Variants in AKAP19 observed in about 807,000 individuals in gnomAD.
AKAP19 encodes the protein A-kinase anchoring protein 19.
chr2:189,926,808 T>C, the AKAP19 span, among the ~76,000 whole-genome samples: 10 of 150,906 alleles, frequency 6.6e-5, no homozygotes, highest in South Asian at 1.3e-3. Flanking sequence ...TGGTCTCGAT[T>C]TCCTGACCTC....
At chr2:190,015,015 T>G in the AKAP19 span, among the ~76,000 whole-genome samples, 1 of 152,170 alleles carries the variant, frequency 6.6e-6, no homozygotes, top group Non-Finnish European at 1.5e-5. Context: ...TCCCAGCTGC[T>G]TTCACAGGCT....
At chr2:190,037,446 T>C in the AKAP19 span, among the ~76,000 whole-genome samples, 1 of 152,236 alleles carries the variant, frequency 6.6e-6, no homozygotes, top group East Asian at 1.9e-4. Context: ...TGTCCTTTTA[T>C]TTGGACTCTA....
chr2:189,992,746 A>G, the AKAP19 span, among the ~76,000 whole-genome samples: 1 of 152,224 alleles, frequency 6.6e-6, no homozygotes, highest in South Asian at 2.1e-4. Flanking sequence ...CTCCTTGGTC[A>G]GGTATATTCC....
chr2:190,180,745 G>T, the AKAP19 span: 1 of 985,284 alleles, frequency 1.0e-6, no homozygotes, highest in African/African-American at 1.7e-5. This position sits in a 1 kb window ranked among gnomAD's most constrained non-coding sequence, Gnocchi z 6.8. Context: ...GCCCTTGGGC[G>T]GCCATCTGGA....
chr2:189,950,937 G>T, the AKAP19 span, among the ~76,000 whole-genome samples: 1 of 152,086 alleles, frequency 6.6e-6, no homozygotes, highest in Admixed American at 6.5e-5. Flanking sequence ...CCTGGCTAGT[G>T]TACTGACTTA....
the AKAP19 span, among the ~76,000 whole-genome samples, chr2:189,919,677 G>A: frequency 6.6e-6 from 1 of 152,150 alleles, no homozygotes; most frequent in African/African-American, 2.4e-5. Context: ...TGCTGAGGAT[G>A]ATGGCTTCCA....
chr2:190,186,369 T>C, the AKAP19 span, among the ~76,000 whole-genome samples: 1 of 152,204 alleles, frequency 6.6e-6, no homozygotes, highest in Non-Finnish European at 1.5e-5. This position sits in a 1 kb window ranked among gnomAD's most constrained non-coding sequence, Gnocchi z 5.5. Context: ...AACAATGTTA[T>C]TTTCTCTGCC....
chr2:189,939,673 C>T, the AKAP19 span, among the ~76,000 whole-genome samples: 1 of 152,116 alleles, frequency 6.6e-6, no homozygotes, highest in Non-Finnish European at 1.5e-5. Flanking sequence ...CAAGATAATA[C>T]AGAAAAGCAA....
At chr2:190,181,379 G>T in the AKAP19 span, 16,246 of 154,198 alleles carry the variant, frequency 0.11, 1,832 homozygotes, top group African/African-American at 0.28. Flanking sequence ...CCACCCTGCT[G>T]CCTACCTGAA....
the AKAP19 span, among the ~76,000 whole-genome samples, chr2:189,913,522 T>A: frequency 1.3e-5 from 2 of 152,158 alleles, no homozygotes; most frequent in African/African-American, 4.8e-5. Flanking sequence ...CCAATTTTGA[T>A]TACTTTGTCA....
At chr2:189,917,862 C>T in the AKAP19 span, 7 of 152,096 alleles carry the variant, frequency 4.6e-5, no homozygotes, top group African/African-American at 1.7e-4. Context: ...TCTGTTTCTG[C>T]TGTTTTTTAT....
chr2:190,199,871 T>A, the AKAP19 span: 6 of 1,613,500 alleles, frequency 3.7e-6, no homozygotes, highest in Non-Finnish European at 5.1e-6. Flanking sequence ...ATGGGCTGCA[T>A]GAAATCAAAG....
the AKAP19 span, among the ~76,000 whole-genome samples, chr2:189,926,274 T>G: frequency 6.6e-6 from 1 of 152,188 alleles, no homozygotes; most frequent in Non-Finnish European, 1.5e-5. Flanking sequence ...CGCAATGATT[T>G]TTACACTTTT....
At chr2:190,039,854 G>A in the AKAP19 span, among the ~76,000 whole-genome samples, 27 of 152,032 alleles carry the variant, frequency 1.8e-4, no homozygotes, top group African/African-American at 4.6e-4. Flanking sequence ...ACATGATCTC[G>A]TTCTTTTTTA....
chr2:190,049,551 A>G, the AKAP19 span, among the ~76,000 whole-genome samples: 1 of 152,240 alleles, frequency 6.6e-6, no homozygotes, highest in South Asian at 2.1e-4. Flanking sequence ...TCCTTTCTTC[A>G]ATATACCTGG....
At chr2:190,057,617 C>T in the AKAP19 span, 22 of 1,613,070 alleles carry the variant, frequency 1.4e-5, no homozygotes, top group Non-Finnish European at 1.7e-5. Context: ...GTGTCTGTTA[C>T]CTTGACCTCT....
the AKAP19 span, among the ~76,000 whole-genome samples, chr2:189,979,804 A>G: frequency 6.6e-6 from 1 of 152,210 alleles, no homozygotes; most frequent in African/African-American, 2.4e-5. Flanking sequence ...AAAGCAGCCA[A>G]TAAACATGAA....
chr2:189,936,313 G>A, the AKAP19 span, among the ~76,000 whole-genome samples: 30 of 151,434 alleles, frequency 2.0e-4, no homozygotes, highest in Non-Finnish European at 4.4e-4. Flanking sequence ...TTTCACATAT[G>A]CAGTGCATTA....
chr2:190,157,442 A>T, the AKAP19 span, among the ~76,000 whole-genome samples: 2 of 151,654 alleles, frequency 1.3e-5, no homozygotes, highest in Admixed American at 1.3e-4. Context: ...TCCAGAAAAG[A>T]AGGTTAAATA....
Sources: gnomAD v4.1 joint callset for allele counts (sites outside exome capture counted in the v4.1 genomes callset) on GRCh38, gnomAD v4.1.1 for gene constraint, Gnocchi (gnomAD v3.1) non-coding constraint, MANE v1.5 for transcripts, NCBI Gene and HGNC (gene_info 2026-07-23, HGNC 2026-07-21) for gene names.